The following DPP10 variants were observed in gnomAD, a reference collection of about 807,000 sequenced individuals.
DPP10 encodes inactive dipeptidyl peptidase 10.
In DPP10, 33 loss-of-function variants were observed where a neutral mutation model predicts 120.9. The ratio of observed to expected loss-of-function variants is 0.27; its 90% CI spans 0.21 to 0.37. The LOEUF (loss-of-function observed/expected upper bound fraction) is 0.37. Among genes scored for constraint, DPP10 ranks in the 10% least tolerant of loss-of-function variants. The pLI is 1.00. For missense variants in DPP10, 816 were observed against 942.8 expected, an observed-to-expected ratio of 0.87 and a Z score of 1.76; for synonymous variants, 337 against 326.1, an observed-to-expected ratio of 1.03 and a Z score of -0.36.
At chr2:114,460,575 CAA>C (rs774982907) in intron 1 of DPP10, among the ~76,000 whole-genome samples, 1 of 152,086 alleles carries the variant, frequency 6.6e-6, no homozygotes, top group Non-Finnish European at 1.5e-5. Flanking sequence ...ATTTATGACA[CAA>C]ATTTTTTCAA....
chr2:115,340,783 A>C (rs1325168101), intron 2 of DPP10, among the ~76,000 whole-genome samples: 1 of 151,674 alleles, frequency 6.6e-6, no homozygotes. Context: ...TAATTTTTTA[A>C]ATTTAATAGA....
chr2:115,138,907 G>C (rs1420826565), intron 1 of DPP10, among the ~76,000 whole-genome samples: 1 of 152,084 alleles, frequency 6.6e-6, no homozygotes, highest in East Asian at 1.9e-4. Context: ...AGTAAATTCT[G>C]ATTGCTTACA....
intron 1 of DPP10, among the ~76,000 whole-genome samples, chr2:115,095,505 G>A (rs1422981607): frequency 1.3e-5 from 2 of 151,832 alleles, no homozygotes; most frequent in Non-Finnish European, 2.9e-5. Flanking sequence ...GGAGACATTA[G>A]ACACAAGTAA....
At chr2:115,540,944 A>G (rs1385878962) in intron 5 of DPP10, among the ~76,000 whole-genome samples, 3 of 151,836 alleles carry the variant, frequency 2.0e-5, no homozygotes, top group Non-Finnish European at 4.4e-5. Context: ...TGCCATGAGA[A>G]CAATTAATGG....
At chr2:114,849,316 G>C (rs1022572668) in intron 1 of DPP10, among the ~76,000 whole-genome samples, 3 of 152,024 alleles carry the variant, frequency 2.0e-5, no homozygotes, top group Non-Finnish European at 2.9e-5. Flanking sequence ...TATGTCTGCA[G>C]GGTAAGATAG....
At chr2:115,485,245 A>G (rs1255791134) in intron 3 of DPP10, among the ~76,000 whole-genome samples, 1 of 151,344 alleles carries the variant, frequency 6.6e-6, no homozygotes, top group East Asian at 1.9e-4. Context: ...TTCCAAAAAA[A>G]AAAAAAAAAA....
chr2:115,084,330 G>C (rs770448052), intron 1 of DPP10, among the ~76,000 whole-genome samples: 2 of 152,200 alleles, frequency 1.3e-5, no homozygotes, highest in African/African-American at 4.8e-5. Flanking sequence ...AATAGTGCTT[G>C]TGGGCTCAAC....
intron 1 of DPP10, among the ~76,000 whole-genome samples, chr2:114,750,776 A>AT (rs1443541274): frequency 2.0e-5 from 3 of 151,154 alleles, no homozygotes; most frequent in Non-Finnish European, 4.4e-5. Flanking sequence ...CATTATTCCA[A>AT]ACAGAAGGCT....
At chr2:115,796,353 A>G (rs1684526990) in intron 19 of DPP10, among the ~76,000 whole-genome samples, 1 of 152,156 alleles carries the variant, frequency 6.6e-6, no homozygotes, top group Non-Finnish European at 1.5e-5. Flanking sequence ...CTCCTGTTAA[A>G]CTGCCAATTC....
At chr2:114,989,660 A>G (rs1700640440) in intron 1 of DPP10, among the ~76,000 whole-genome samples, 1 of 152,350 alleles carries the variant, frequency 6.6e-6, no homozygotes, top group South Asian at 2.1e-4. Flanking sequence ...TAACTGAGAA[A>G]GAACATAGAA....
At chr2:115,832,648 CA>C (rs1395337916) in intron 21 of DPP10, among the ~76,000 whole-genome samples, 3 of 152,020 alleles carry the variant, frequency 2.0e-5, no homozygotes, top group Non-Finnish European at 2.9e-5. Context: ...CATTAAATGC[CA>C]AATTTTCATA....
chr2:115,325,265 A>G (rs2062291894), intron 2 of DPP10, among the ~76,000 whole-genome samples: 1 of 152,176 alleles, frequency 6.6e-6, no homozygotes, highest in Non-Finnish European at 1.5e-5. Flanking sequence ...GTATGCTTGT[A>G]TTGACCAGTG....
chr2:115,026,835 C>G (rs554413367), intron 1 of DPP10, among the ~76,000 whole-genome samples: 7 of 152,164 alleles, frequency 4.6e-5, no homozygotes, highest in African/African-American at 1.7e-4. Context: ...TGTGCTCAGC[C>G]TGTTTTTTCT....
chr2:115,390,972 A>T (rs1472398611), intron 3 of DPP10, among the ~76,000 whole-genome samples: 1 of 152,122 alleles, frequency 6.6e-6, no homozygotes, highest in Non-Finnish European at 1.5e-5. Flanking sequence ...CTTTTTCATT[A>T]TGACTGACAG....
At chr2:114,906,255 G>A (rs1022088690) in intron 1 of DPP10, among the ~76,000 whole-genome samples, 33 of 151,946 alleles carry the variant, frequency 2.2e-4, no homozygotes, top group African/African-American at 2.7e-4. Context: ...GTGGTGGTGC[G>A]TGCCTGTAGT....
In DPP10 at chr2:114,881,590, GTCTGTCTGTCTA is replaced by G. The variant is rs1329753934; in HGVS notation, c.61-427645_61-427634del. Among the ~76,000 whole-genome samples the G allele has an allele frequency of 1.4e-3, 184 of 129,744 alleles. 2 individuals carry two copies. The highest frequency in any genetic ancestry group is 4.8e-3 in the African/African-American group (177 of 36,910). The allele number at this position is 129,744 out of a possible 152,430, so 85.1% of individuals were successfully genotyped here. A position where few individuals can be genotyped will look rare whatever the true frequency, so the allele number is the denominator to read the frequency against. The stretch of plus-strand genomic sequence containing the variant: ...CATCTATCTATCTATCTGTCTGTCT[GTCTGTCTGTCTA>G]TCTATCTATCTATCTATCTATCTAT... On this transcript the variant is annotated intron_variant, in intron 1 of 25. Coordinates refer to ENST00000410059, the MANE Select transcript of DPP10 (RefSeq NM_020868.6).
intron 1 of DPP10, among the ~76,000 whole-genome samples, chr2:114,585,066 T>A (rs1690839137): frequency 6.6e-6 from 1 of 152,188 alleles, no homozygotes; most frequent in South Asian, 2.1e-4. Flanking sequence ...AATGAGCGTT[T>A]ATTAGTTCAT....
intron 7 of DPP10, 80 bp downstream of exon 7, chr2:115,690,001 C>T (rs889273908): frequency 1.4e-6 from 2 of 1,405,416 alleles, no homozygotes; most frequent in Admixed American, 2.2e-5. Context: ...TTGGAAAAAC[C>T]ATAGGAAAAC....
intron 1 of DPP10, among the ~76,000 whole-genome samples, chr2:115,199,142 T>G (rs541141992): frequency 1.3e-5 from 2 of 152,280 alleles, no homozygotes; most frequent in African/African-American, 4.8e-5. Flanking sequence ...CAAATGTTAT[T>G]AATTTAATAA....
Sources: gnomAD v4.1 joint callset for allele counts (sites outside exome capture counted in the v4.1 genomes callset) on GRCh38, gnomAD v4.1.1 for gene constraint, MANE v1.5 for transcripts, NCBI Gene and HGNC (gene_info 2026-07-23, HGNC 2026-07-21) for gene names.